The following ZC3H3 variants were observed in gnomAD, a reference collection of about 807,000 sequenced individuals.
ZC3H3 encodes the protein zinc finger CCCH-type containing 3.
A neutral mutation model predicts 77.3 loss-of-function variants in ZC3H3; 36 were observed. That is an observed-to-expected ratio of 0.47 (90% CI 0.36 to 0.61). The LOEUF is 0.61. Ranked by LOEUF, ZC3H3 falls within the 20% of genes least tolerant of loss-of-function variation. The pLI is 0.00. For synonymous variants in ZC3H3, 626 were observed against 555.2 expected (o/e 1.13, Z -1.79); for missense variants, 1,331 against 1,312.2 (o/e 1.01, Z -0.22).
intron 4 of ZC3H3, among the ~76,000 whole-genome samples, chr8:143,503,630 TCCTCCAGCACCCAACTGTCTCCACCACC>T (rs1286372847): frequency 3.1e-4 from 6 of 19,516 alleles, no homozygotes; most frequent in African/African-American, 1.3e-3. Flanking sequence ...CACCACCACC[TCCTCCAGCACCCAACTGTCTCCACCACC>T]ACCTCCTCCA....
At chr8:143,477,611 G>T (rs1056924824) in intron 4 of ZC3H3, among the ~76,000 whole-genome samples, 2 of 152,208 alleles carry the variant, frequency 1.3e-5, no homozygotes. Flanking sequence ...GGCCAGGCAG[G>T]ACCTCCTGCA....
At chr8:143,476,551 C>A (rs531872217) in intron 4 of ZC3H3, among the ~76,000 whole-genome samples, 9 of 152,270 alleles carry the variant, frequency 5.9e-5, no homozygotes, top group African/African-American at 1.7e-4. Context: ...TGCGGACCCT[C>A]GGGCAAGCAG....
chr8:143,536,350 G>T lies in ZC3H3; in HGVS notation c.1468C>A (p.Leu490Met), dbSNP rs1822797081. The change falls in exon 3 of 12, where the codon CTG (leucine) becomes ATG (methionine). Residue 490 changes from leucine to methionine, a missense_variant. Transcript: ENST00000262577. Reference protein sequence around the residue: ...QALRGKSSPVLKKTPNKGLVQ... With the variant: ...QALRGKSSPVMKKTPNKGLVQ... Reference sequence around the variant, plus strand: ...AGGCCCTTGTTGGGGGTCTTCTTCAGGACAGGGCTGCTCTTCCCCCTGAGG... The same window carrying T: ...AGGCCCTTGTTGGGGGTCTTCTTCATGACAGGGCTGCTCTTCCCCCTGAGG... 2 of 1,607,290 alleles carry T rather than the reference G, an allele frequency of 1.2e-6. No homozygotes were observed. The highest frequency in any genetic ancestry group is 1.7e-6 in the Non-Finnish European group (2 of 1,177,356).
rs545068915 is a variant in ZC3H3, at chr8:143,520,509, G to A, written c.1562-12610C>T. On this transcript the variant is annotated intron_variant, in intron 3 of 11. Transcript: ENST00000262577. ...CAGTGGGAACCGGCTGGGAAGCACC[G>A]GGGTGCAGGTCAGAGATGTACCGCA... Among the ~76,000 whole-genome samples the A allele has an allele frequency of 3.7e-4, 57 of 152,312 alleles. 2 individuals are homozygous for A. The South Asian group carries it at 0.011, about 29-fold the overall frequency.
chr8:143,513,751 A>T (rs1018395945), intron 3 of ZC3H3, among the ~76,000 whole-genome samples: 1 of 152,186 alleles, frequency 6.6e-6, no homozygotes, highest in African/African-American at 2.4e-5. Context: ...CTGGGACAGG[A>T]GGCTCTGCCC....
intron 4 of ZC3H3, among the ~76,000 whole-genome samples, chr8:143,500,593 G>C (rs1299185767): frequency 2.6e-5 from 4 of 152,234 alleles, no homozygotes; most frequent in African/African-American, 9.6e-5. Context: ...CCACAGTTCT[G>C]GAGGCTGAGA....
chr8:143,536,253 A>T lies in ZC3H3; in HGVS notation c.1561+4T>A. 1.2e-6 allele frequency: 2 copies of T among 1,609,522 alleles called. No homozygotes were observed. The highest frequency in any genetic ancestry group is 2.2e-5 in the South Asian group (2 of 90,450). On this transcript the variant is annotated splice_donor_region_variant and intron_variant, in intron 3 of 11. Coordinates refer to ENST00000262577, the MANE Select transcript of ZC3H3 (RefSeq NM_015117.3). ...AGTGCCCAGCGCCCCTGCTCCCAGCATACCTTCCTTGGTGGGGAGGTGGGC... is the reference window on the plus strand; with the variant it reads ...AGTGCCCAGCGCCCCTGCTCCCAGCTTACCTTCCTTGGTGGGGAGGTGGGC...
intron 3 of ZC3H3, among the ~76,000 whole-genome samples, chr8:143,526,777 A>C (rs536691511): frequency 6.6e-6 from 1 of 152,238 alleles, no homozygotes; most frequent in Admixed American, 6.5e-5. Flanking sequence ...TGCAGGCCAC[A>C]TTCGTCCCCA....
At chr8:143,527,112 C>G (rs1822439222) in intron 3 of ZC3H3, among the ~76,000 whole-genome samples, 1 of 152,202 alleles carries the variant, frequency 6.6e-6, no homozygotes, top group Non-Finnish European at 1.5e-5. Context: ...CCCTGGCTGC[C>G]TGGTGGGGGT....
chr8:143,522,616 C>A (rs6558369), intron 3 of ZC3H3, among the ~76,000 whole-genome samples: 56,343 of 126,296 alleles, frequency 0.45, 10,695 homozygotes, highest in East Asian at 0.61. Flanking sequence ...TAAAAAAAAA[C>A]ACACACACAC....
At position 143,440,057 on chromosome 8, in the gene ZC3H3, G is replaced by C. The variant is rs940795732; in HGVS notation, c.2799C>G (p.Pro933=). 1 of 1,559,004 alleles carries C rather than the reference G, an allele frequency of 6.4e-7. No homozygotes were observed. Among genetic ancestry groups the C allele is most frequent in the South Asian group, 1.2e-5 (1 of 85,388 alleles). Residue 933 remains proline (P), a synonymous_variant, in exon 11 of 12, where the codon CCC becomes CCG. Coordinates refer to ENST00000262577, the MANE Select transcript of ZC3H3 (RefSeq NM_015117.3). Reference sequence around the variant, plus strand: ...GCTGCCTACCTGAGTCCTTGGTGAGGGGGGCCCTAGGGGCCCGGACCCTGG... The same window carrying C: ...GCTGCCTACCTGAGTCCTTGGTGAGCGGGGCCCTAGGGGCCCGGACCCTGG... ...AQPRVRAPRA[P]LTKDSGKPLH...
intron 9 of ZC3H3, among the ~76,000 whole-genome samples, chr8:143,464,633 T>C (rs1197775909): frequency 6.6e-6 from 1 of 152,132 alleles, no homozygotes; most frequent in Non-Finnish European, 1.5e-5. Context: ...TCGGGCCCGG[T>C]GTCCTTGCGG....
chr8:143,521,400 T>C (rs566073654), intron 3 of ZC3H3, among the ~76,000 whole-genome samples: 5 of 96,214 alleles, frequency 5.2e-5, no homozygotes, highest in African/African-American at 1.5e-4. Flanking sequence ...TGGTGCCCCA[T>C]GGGCAGCCCC....
chr8:143,445,989 GT>G (rs1819854449), intron 9 of ZC3H3, among the ~76,000 whole-genome samples: 1 of 152,212 alleles, frequency 6.6e-6, no homozygotes, highest in Admixed American at 6.5e-5. Context: ...TCAGAGCATG[GT>G]TTGGCTCAGG....
intron 4 of ZC3H3, among the ~76,000 whole-genome samples, chr8:143,485,660 T>A (rs1004816298): frequency 6.6e-6 from 1 of 152,178 alleles, no homozygotes; most frequent in Admixed American, 6.5e-5. Context: ...GCACTACTCA[T>A]AAAAGGCTAA....
At chr8:143,501,960 C>T (rs1241559548) in intron 4 of ZC3H3, among the ~76,000 whole-genome samples, 1 of 152,256 alleles carries the variant, frequency 6.6e-6, no homozygotes, top group Non-Finnish European at 1.5e-5. Flanking sequence ...GACGCAGGGC[C>T]TTCAGAGGTG....
At chr8:143,438,245 GCA>G (rs1403310345) in intron 11 of ZC3H3, among the ~76,000 whole-genome samples, 158 bp from the exon 12 acceptor site, 8 of 152,192 alleles carry the variant, frequency 5.3e-5, no homozygotes, top group Admixed American at 1.3e-4. Flanking sequence ...AGGGAGAAGA[GCA>G]CAGACAGGCC....
chr8:143,497,859 G>T (rs1821397668), intron 4 of ZC3H3, among the ~76,000 whole-genome samples: 1 of 152,232 alleles, frequency 6.6e-6, no homozygotes, highest in Non-Finnish European at 1.5e-5. Flanking sequence ...CGAACACGCT[G>T]TGCCTCCCAC....
chr8:143,477,978 A>G (rs925724976), intron 4 of ZC3H3, among the ~76,000 whole-genome samples: 1 of 151,670 alleles, frequency 6.6e-6, no homozygotes, highest in Non-Finnish European at 1.5e-5. Context: ...CTGCCTCCCC[A>G]CAGGCTCCAG....
Sources: gnomAD v4.1 joint callset for allele counts (sites outside exome capture counted in the v4.1 genomes callset) on GRCh38, gnomAD v4.1.1 for gene constraint, MANE v1.5 for transcripts, NCBI Gene and HGNC (gene_info 2026-07-23, HGNC 2026-07-21) for gene names.